Variants in KCNQ1 observed in about 807,000 individuals in gnomAD.
The protein encoded by KCNQ1 is potassium voltage-gated channel subfamily Q member 1.
A neutral mutation model predicts 72.4 loss-of-function variants in KCNQ1; 49 were observed. That is an observed-to-expected ratio of 0.68 (90% CI 0.54 to 0.86). KCNQ1 has a LOEUF of 0.86. KCNQ1 is among the 40% of genes least tolerant of loss of function. KCNQ1 has a pLI of 0.00. For missense variants in KCNQ1, 790 were observed against 945.1 expected (o/e 0.84, Z 2.15); for synonymous variants, 450 against 412.6 (o/e 1.09, Z -1.10).
intron 5 of KCNQ1, among the ~76,000 whole-genome samples, chr11:2,572,418 C>G (rs12574935): frequency 0.18 from 28,043 of 152,160 alleles, 2,848 homozygotes; most frequent in South Asian, 0.31. Context: ...AATCAAGGAC[C>G]CGGTCAAGGC....
chr11:2,760,466 G>T (rs760465695), intron 11 of KCNQ1, among the ~76,000 whole-genome samples: 4 of 152,188 alleles, frequency 2.6e-5, no homozygotes, highest in Non-Finnish European at 5.9e-5. Flanking sequence ...TGAATGAAGC[G>T]GGTCTTTTCT....
In KCNQ1 at chr11:2,781,836, C is replaced by A. The variant is rs1846827816; in HGVS notation, c.1794+3799C>A. ...CACAGGGGAGTCCTGGGTTTCCATGCCGCAGTTCAGAAAGCGTTGGGCGGG... is the reference window on the plus strand; with the variant it reads ...CACAGGGGAGTCCTGGGTTTCCATGACGCAGTTCAGAAAGCGTTGGGCGGG... On this transcript the variant is annotated intron_variant, in intron 15 of 15. Coordinates refer to ENST00000155840, the MANE Select transcript of KCNQ1 (RefSeq NM_000218.3). This position sits in a 1 kb window ranked among gnomAD's most constrained non-coding sequence, Gnocchi z 6.6. Among the ~76,000 whole-genome samples the A allele has an allele frequency of 6.6e-6, 1 of 152,170 alleles. No homozygotes were observed. Among genetic ancestry groups the A allele is most frequent in the Admixed American group, 6.5e-5 (1 of 15,284 alleles).
rs1851015504 is a variant in KCNQ1 at position 2,711,960 on chromosome 11, C to T, written c.1514+49879C>T. 6.6e-6 allele frequency among the ~76,000 whole-genome samples: 1 copy of T among 152,104 alleles called. No homozygotes were observed. The highest frequency in any genetic ancestry group is 6.5e-5 in the Admixed American group (1 of 15,282). ...GCTCACCTGTGTCCATCCCCTTGGG[C>T]AGCACACAGCCAAGTCCTTTTGGAC... On this transcript the variant is annotated intron_variant, in intron 11 of 15. Coordinates refer to ENST00000155840, the MANE Select transcript of KCNQ1 (RefSeq NM_000218.3). The surrounding 1 kb of genome is among the most constrained non-coding windows in gnomAD (Gnocchi z 5.4).
chr11:2,648,988 T>TTTTTTTTTTTTTTTTTTTTTTTC (rs1849713855), intron 10 of KCNQ1: 1 of 322,162 alleles, frequency 3.1e-6, no homozygotes, highest in Non-Finnish European at 5.5e-6. Context: ...TTTCTTTTTT[T>TTTTTTTTTTTTTTTTTTTTTTTC]TTTTTTTTTT....
chr11:2,705,616 C>T (rs1850895971), intron 11 of KCNQ1, among the ~76,000 whole-genome samples: 1 of 152,202 alleles, frequency 6.6e-6, no homozygotes, highest in Non-Finnish European at 1.5e-5. Context: ...CCTGTGCAGG[C>T]CTGCCACTTC....
intron 10 of KCNQ1, chr11:2,633,233 T>A: frequency 2.5e-6 from 1 of 398,536 alleles, no homozygotes; most frequent in Non-Finnish European, 4.4e-6. Context: ...AATCAGATAA[T>A]CTGGTGTTTT....
chr11:2,845,461 C>T (rs191415269), intron 15 of KCNQ1, among the ~76,000 whole-genome samples: 1 of 152,324 alleles, frequency 6.6e-6, no homozygotes, highest in South Asian at 2.1e-4. Context: ...GCTGGCGGGT[C>T]CTTGGGTGTG....
chr11:2,733,814 A>ACACACACACACACACCCACACACTCT, intron 11 of KCNQ1, among the ~76,000 whole-genome samples: 1 of 86,614 alleles, frequency 1.2e-5, no homozygotes, highest in Non-Finnish European at 2.4e-5. Context: ...ACACACACAC[A>ACACACACACACACACCCACACACTCT]CTCTCTCACT....
At position 2,564,809 on chromosome 11, in the gene KCNQ1, C is replaced by T. The variant is rs141033127; in HGVS notation, c.478-5819C>T. Among the ~76,000 whole-genome samples, 17 of 152,300 alleles carry T rather than the reference C, an allele frequency of 1.1e-4. No homozygotes were observed. Among genetic ancestry groups the T allele is most frequent in the Non-Finnish European group, 2.2e-4 (15 of 68,024 alleles). On this transcript the variant is annotated intron_variant, in intron 2 of 15. Transcript: ENST00000155840. The surrounding 1 kb of genome is among the most constrained non-coding windows in gnomAD (Gnocchi z 4.5). ...ACCTCTGTGAATCTGATGACTGTAG[C>T]GACCTCACGTGAGTGGAAGCAGATA...
intron 1 of KCNQ1, among the ~76,000 whole-genome samples, chr11:2,514,126 G>A (rs1159440478): frequency 6.6e-6 from 1 of 152,190 alleles, no homozygotes; most frequent in Admixed American, 6.5e-5. Context: ...CCACGGAGTG[G>A]GAGATGCCCC....
Position 2,483,263 on chromosome 11 carries a change from G to A in KCNQ1, c.386+37779G>A, listed in dbSNP as rs369761566. The stretch of plus-strand genomic sequence containing the variant: ...GAGCAATGCGGGGGGTGTGAGTGAT[G>A]AGGGACAACATCAGTCCTCTCTTGG... On this transcript the variant is annotated intron_variant, in intron 1 of 15. Transcript: ENST00000155840. This position sits in a 1 kb window ranked among gnomAD's most constrained non-coding sequence, Gnocchi z 6.1. 6.6e-5 allele frequency among the ~76,000 whole-genome samples: 10 copies of A among 152,288 alleles called. No individual in the cohort carries two copies. The South Asian group carries it at 2.1e-3, about 32-fold the overall frequency.
chr11:2,582,846 C>T (rs753657775), intron 6 of KCNQ1, among the ~76,000 whole-genome samples: 3 of 152,112 alleles, frequency 2.0e-5, no homozygotes, highest in Non-Finnish European at 2.9e-5. Flanking sequence ...CAGATGCCAG[C>T]GCGGGGGAAA....
Position 2,778,048 on chromosome 11 carries a change from G to A in KCNQ1, c.1794+11G>A, listed in dbSNP as rs186188610. Reference sequence around the variant, plus strand: ...CGAGTAGAAGACAAGGTAGGCTCACGCGCCGGCCTGCGGTGGTTCTGGTTA... The same window carrying A: ...CGAGTAGAAGACAAGGTAGGCTCACACGCCGGCCTGCGGTGGTTCTGGTTA... On this transcript the variant is annotated intron_variant, in intron 15 of 15. Transcript: ENST00000155840. 385 of 1,613,016 alleles carry A rather than the reference G, an allele frequency of 2.4e-4. 1 individual carries two copies. In the Admixed American group the frequency reaches 4.5e-3, roughly 19 times the overall value.
intron 10 of KCNQ1, among the ~76,000 whole-genome samples, chr11:2,605,585 C>T (rs2133782877): frequency 6.6e-6 from 1 of 152,334 alleles, no homozygotes; most frequent in African/African-American, 2.4e-5. Context: ...TGTCAAAAAT[C>T]AATTGACCAT....
chr11:2,790,713 G>A (rs536298826), intron 15 of KCNQ1, among the ~76,000 whole-genome samples: 12 of 152,192 alleles, frequency 7.9e-5, no homozygotes, highest in African/African-American at 1.4e-4. Flanking sequence ...CCATTATGCC[G>A]ATCGCTCGCG....
rs547098817 is a variant in KCNQ1, at chr11:2,740,744, T to C, written c.1515-28100T>C. 1.4e-4 allele frequency among the ~76,000 whole-genome samples: 22 copies of C among 152,342 alleles called. No homozygotes were observed. The East Asian group carries it at 2.3e-3, about 16-fold the overall frequency. Reference sequence around the variant, plus strand: ...AGGGGCGCCCACATCCCTTGGATCATGGCCCCTCCTTCACCCTCAAAGGCG... The same window carrying C: ...AGGGGCGCCCACATCCCTTGGATCACGGCCCCTCCTTCACCCTCAAAGGCG... On this transcript the variant is annotated intron_variant, in intron 11 of 15. Coordinates refer to ENST00000155840, the MANE Select transcript of KCNQ1 (RefSeq NM_000218.3).
intron 9 of KCNQ1, 54 bp downstream of exon 9, chr11:2,587,746 G>C (rs532829042): frequency 6.2e-7 from 1 of 1,611,324 alleles, no homozygotes; most frequent in African/African-American, 1.3e-5. Context: ...AGGTGGGGAG[G>C]CCGTGGGGGC....
At chr11:2,460,090 G>T (rs372477908) in intron 1 of KCNQ1, among the ~76,000 whole-genome samples, 1 of 152,166 alleles carries the variant, frequency 6.6e-6, no homozygotes, top group Non-Finnish European at 1.5e-5. Context: ...CCCCCAGGGG[G>T]CCCCTCACTC....
intron 1 of KCNQ1, among the ~76,000 whole-genome samples, chr11:2,496,495 CTTTTTTT>C: frequency 1.2e-3 from 36 of 29,844 alleles, no homozygotes; most frequent in South Asian, 7.9e-3. Context: ...ACAACCCCTG[CTTTTTTT>C]TTTTTTTTTT....
Sources: allele counts gnomAD v4.1 joint callset (sites outside exome capture counted in the v4.1 genomes callset), GRCh38; gene constraint gnomAD v4.1.1; non-coding constraint Gnocchi (gnomAD v3.1); transcripts MANE v1.5; gene names NCBI Gene and HGNC (gene_info 2026-07-23, HGNC 2026-07-21).